Variants in SDHAF4 observed in about 807,000 individuals in gnomAD.
SDHAF4 encodes succinate dehydrogenase complex assembly factor 4, also known as succinate dehydrogenase assembly factor 4, mitochondrial.
A neutral mutation model predicts 14.3 loss-of-function variants in SDHAF4; 14 were observed. That is an observed-to-expected ratio of 0.98 (90% CI 0.65 to 1.53). The LOEUF is 1.53. SDHAF4 is among the 40% of genes most tolerant of loss of function. SDHAF4 has a pLI of 0.00. For missense variants in SDHAF4, 141 were observed against 129.3 expected, an observed-to-expected ratio of 1.09 and a Z score of -0.44; for synonymous variants, 63 against 47.3, an observed-to-expected ratio of 1.33 and a Z score of -1.36.
downstream of SDHAF4, among the ~76,000 whole-genome samples, chr6:70,592,619 A>G (rs186748353): frequency 1.2e-4 from 19 of 152,360 alleles, no homozygotes; most frequent in African/African-American, 4.6e-4. Context: ...AGAATGATGA[A>G]TTAGAATATT....
intron 2 of SDHAF4, among the ~76,000 whole-genome samples, chr6:70,581,621 G>C (rs1802324092): frequency 6.6e-6 from 1 of 151,752 alleles, no homozygotes; most frequent in Admixed American, 6.6e-5. Context: ...GTTTTGTTTT[G>C]TTGAGACAGG....
At chr6:70,569,608 T>C (rs1802154886) in intron 1 of SDHAF4, among the ~76,000 whole-genome samples, 1 of 152,246 alleles carries the variant, frequency 6.6e-6, no homozygotes, top group Non-Finnish European at 1.5e-5. Context: ...AAACCTTTTT[T>C]AGTTACGTAA....
intron 1 of SDHAF4, among the ~76,000 whole-genome samples, chr6:70,578,442 T>TTTC (rs894249374): frequency 3.9e-5 from 6 of 152,214 alleles, no homozygotes; most frequent in African/African-American, 1.4e-4. Flanking sequence ...TGTTGAGTTG[T>TTTC]TTAAGTTCCT....
intron 1 of SDHAF4, among the ~76,000 whole-genome samples, chr6:70,569,979 G>T (rs558921878): frequency 5.9e-5 from 9 of 152,156 alleles, no homozygotes; most frequent in African/African-American, 1.4e-4. Context: ...CTTGTCCCAG[G>T]TTCATGTATT....
intron 2 of SDHAF4, among the ~76,000 whole-genome samples, chr6:70,585,781 G>T (rs1268565460): frequency 6.6e-6 from 1 of 152,162 alleles, no homozygotes; most frequent in Non-Finnish European, 1.5e-5. Flanking sequence ...ATAAAAGAAT[G>T]AATATTTGAA....
intron 2 of SDHAF4, among the ~76,000 whole-genome samples, chr6:70,582,948 G>T (rs959105917): frequency 6.6e-6 from 1 of 152,078 alleles, no homozygotes; most frequent in Non-Finnish European, 1.5e-5. Context: ...GAAAATGTTT[G>T]TAGCTAGGCA....
the SDHAF4 span, among the ~76,000 whole-genome samples, chr6:70,594,697 G>A: frequency 3.9e-5 from 6 of 152,204 alleles, no homozygotes; most frequent in African/African-American, 1.4e-4. Context: ...TATATCACCT[G>A]AGGCCAGAAG....
At chr6:70,570,080 T>A (rs1410288130) in intron 1 of SDHAF4, among the ~76,000 whole-genome samples, 1 of 152,212 alleles carries the variant, frequency 6.6e-6, no homozygotes, top group African/African-American at 2.4e-5. Flanking sequence ...TTGGCTCTTT[T>A]CTCAGTCCCA....
At chr6:70,576,829 CAA>C (rs2128534639) in intron 1 of SDHAF4, among the ~76,000 whole-genome samples, 1 of 152,192 alleles carries the variant, frequency 6.6e-6, no homozygotes, top group African/African-American at 2.4e-5. Flanking sequence ...GGGAAGGAAA[CAA>C]AAAGGGTAAC....
At chr6:70,587,533 T>G in intron 2 of SDHAF4, among the ~76,000 whole-genome samples, 1 of 152,140 alleles carries the variant, frequency 6.6e-6, no homozygotes, top group East Asian at 1.9e-4. Flanking sequence ...CTCTGTCTAA[T>G]AGTTGGTTCC....
intron 1 of SDHAF4, among the ~76,000 whole-genome samples, chr6:70,568,125 C>T (rs1802127645): frequency 6.6e-6 from 1 of 152,208 alleles, no homozygotes. Flanking sequence ...AAACATTTTA[C>T]TTAATTGTAT....
At chr6:70,573,206 G>A (rs1031803625) in intron 1 of SDHAF4, among the ~76,000 whole-genome samples, 1 of 148,602 alleles carries the variant, frequency 6.7e-6, no homozygotes, top group Non-Finnish European at 1.5e-5. Flanking sequence ...TAATTTCTTT[G>A]CAACTTTATT....
At chr6:70,597,299 A>ATTTTTTTTT in the SDHAF4 span, among the ~76,000 whole-genome samples, 1,220 of 107,880 alleles carry the variant, frequency 0.011, 12 homozygotes, top group African/African-American at 0.013. Flanking sequence ...CGCCTGGCTA[A>ATTTTTTTTT]TTTTTTTTTT....
At chr6:70,594,960 A>G in the SDHAF4 span, among the ~76,000 whole-genome samples, 3,430 of 152,138 alleles carry the variant, frequency 0.023, 36 homozygotes, top group Non-Finnish European at 0.035. Context: ...AGTTTCAGCT[A>G]TTCTTTTATA....
At chr6:70,572,058 CTTTTTTT>C (rs66688860) in intron 1 of SDHAF4, among the ~76,000 whole-genome samples, 7 of 53,504 alleles carry the variant, frequency 1.3e-4, no homozygotes, top group East Asian at 6.1e-4. Flanking sequence ...CTTTTTTTGT[CTTTTTTT>C]TTTTTTTTTT....
downstream of SDHAF4, among the ~76,000 whole-genome samples, chr6:70,591,568 A>G (rs1298669735): frequency 6.6e-6 from 1 of 151,988 alleles, no homozygotes; most frequent in Non-Finnish European, 1.5e-5. Context: ...TGATCTCGTG[A>G]TCTGCCCGCC....
chr6:70,569,614 CG>C (rs1802155141), intron 1 of SDHAF4, among the ~76,000 whole-genome samples: 1 of 152,106 alleles, frequency 6.6e-6, no homozygotes, highest in Non-Finnish European at 1.5e-5. Context: ...TTTTTAGTTA[CG>C]TAAGTGTCAA....
intron 1 of SDHAF4, chr6:70,567,369 G>T (rs916429416): frequency 1.2e-5 from 3 of 252,932 alleles, no homozygotes; most frequent in Non-Finnish European, 2.3e-5. Flanking sequence ...GGCCCTTTGG[G>T]AATGGGAGTC....
chr6:70,598,120 G>T, the SDHAF4 span, among the ~76,000 whole-genome samples: 1 of 152,190 alleles, frequency 6.6e-6, no homozygotes, highest in African/African-American at 2.4e-5. Flanking sequence ...GCTCATAACT[G>T]TAATCCCAGC....
Sources: allele counts gnomAD v4.1 joint callset (sites outside exome capture counted in the v4.1 genomes callset), GRCh38; gene constraint gnomAD v4.1.1; transcripts MANE v1.5; gene names NCBI Gene and HGNC (gene_info 2026-07-23, HGNC 2026-07-21).